B3GALT5: variants seen among roughly 807,000 people sequenced by gnomAD.
The protein encoded by B3GALT5 is beta-1,3-galactosyltransferase 5, also known as UDP-Gal:betaGlcNAc beta 1,3-galactosyltransferase, polypeptide 5.
For missense variants in B3GALT5, 328 were observed against 396.6 expected, an observed-to-expected ratio of 0.83 and a Z score of 1.47; for synonymous variants, 156 against 158.6, an observed-to-expected ratio of 0.98 and a Z score of 0.12.
chr21:39,620,548 T>A (rs1009686798), intron 1 of B3GALT5, among the ~76,000 whole-genome samples: 1 of 152,194 alleles, frequency 6.6e-6, no homozygotes, highest in East Asian at 1.9e-4. Context: ...TCCCACCTCT[T>A]GAAGTTACGC....
chr21:39,625,271 G>C (rs1243684684), intron 1 of B3GALT5, among the ~76,000 whole-genome samples: 2 of 152,198 alleles, frequency 1.3e-5, no homozygotes, highest in Non-Finnish European at 2.9e-5. Context: ...GGTTAGTGAA[G>C]AGTGATGGAG....
At position 39,663,795 on chromosome 21, in the gene B3GALT5, T is replaced by G. The variant is rs984946610; in HGVS notation, c.*2303T>G. The G allele has an allele frequency of 7.2e-5, 11 of 152,292 alleles. No homozygotes were observed. The highest frequency in any genetic ancestry group is 2.7e-4 in the African/African-American group (11 of 41,452). 9.4% of individuals were successfully genotyped at this position (152,292 alleles called of 1,614,324 possible). A position where few individuals can be genotyped will look rare whatever the true frequency, so the allele number is the denominator to read the frequency against. On this transcript the variant is annotated 3_prime_UTR_variant, in exon 4 of 4. Transcript: ENST00000684187. ...CCCAGGACCTTCCCAGCTTGTTTGT[T>G]GCAGAAGGAGGGTTCCAGCTCAGCG...
At chr21:39,655,109 G>A (rs545091781) in intron 2 of B3GALT5, among the ~76,000 whole-genome samples, 2 of 152,348 alleles carry the variant, frequency 1.3e-5, no homozygotes, top group African/African-American at 4.8e-5. Flanking sequence ...GGAGACCCAT[G>A]AGAGTCGATG....
At chr21:39,642,222 G>A (rs898368696) in intron 1 of B3GALT5, among the ~76,000 whole-genome samples, 12 of 152,188 alleles carry the variant, frequency 7.9e-5, no homozygotes, top group African/African-American at 2.4e-4. Context: ...AGCTAGGCAC[G>A]AGAATTATTA....
intron 1 of B3GALT5, among the ~76,000 whole-genome samples, chr21:39,639,298 CTT>C (rs1257818563): frequency 2.4e-3 from 159 of 65,486 alleles, no homozygotes; most frequent in African/African-American, 9.6e-3. Context: ...CTCTTTCTTT[CTT>C]TCTTTCTTTC....
chr21:39,615,031 CA>C (rs1263324957), intron 1 of B3GALT5, among the ~76,000 whole-genome samples: 1 of 152,188 alleles, frequency 6.6e-6, no homozygotes, highest in Non-Finnish European at 1.5e-5. Context: ...GGGTCCCACC[CA>C]AGCTTCGTGG....
intron 1 of B3GALT5, among the ~76,000 whole-genome samples, chr21:39,616,488 G>A (rs1199888548): frequency 6.6e-6 from 1 of 152,038 alleles, no homozygotes; most frequent in Non-Finnish European, 1.5e-5. Flanking sequence ...TCCAGACTGT[G>A]GCTTCTTCAC....
intron 1 of B3GALT5, among the ~76,000 whole-genome samples, chr21:39,618,689 C>T (rs1200314809): frequency 6.6e-6 from 1 of 152,002 alleles, no homozygotes; most frequent in Non-Finnish European, 1.5e-5. Context: ...ATTCTAGATC[C>T]TTAATTTTAG....
intron 1 of B3GALT5, among the ~76,000 whole-genome samples, chr21:39,638,466 T>A (rs570319625): frequency 6.6e-6 from 1 of 152,142 alleles, no homozygotes; most frequent in Non-Finnish European, 1.5e-5. Context: ...CCCAGGCCGT[T>A]GAGCAGCCTG....
rs200517488 is a variant in B3GALT5 at position 39,639,418 on chromosome 21, T to C, written c.-391-6974T>C. On this transcript the variant is annotated intron_variant, in intron 1 of 3. Coordinates refer to ENST00000684187, the MANE Select transcript of B3GALT5 (RefSeq NM_001356336.2). ...TCTTTCTTTTTCTTTCTTTCTTTCT[T>C]TCTTTCTTTCTTTCTTTCTTTCTTT... Among the ~76,000 whole-genome samples, 10 of 111,174 alleles carry C rather than the reference T, an allele frequency of 9.0e-5. 1 individual carries two copies. Among genetic ancestry groups the C allele is most frequent in the East Asian group, 6.8e-4 (3 of 4,412 alleles). The allele number at this position is 111,174 out of a possible 152,430, so 72.9% of individuals were successfully genotyped here.
Position 39,661,544 on chromosome 21 carries a change from T to C in B3GALT5, c.*52T>C, listed in dbSNP as rs74843485. ...AGTTTCAGATAACCCGTGGGGATAG[T>C]TTTTGCTAGATTTTGGAAGAGGGGG... is the stretch of plus-strand genomic sequence containing the variant. On this transcript the variant is annotated 3_prime_UTR_variant, in exon 4 of 4. Coordinates refer to ENST00000684187, the MANE Select transcript of B3GALT5 (RefSeq NM_001356336.2). This position sits in a 1 kb window ranked among gnomAD's most constrained non-coding sequence, Gnocchi z 4.7. The C allele has an allele frequency of 0.041, 59,981 of 1,451,230 alleles. 1,432 individuals carry two copies. The highest frequency in any genetic ancestry group is 0.048 in the Non-Finnish European group (52,113 of 1,097,032). 89.9% of individuals were successfully genotyped at this position (1,451,230 alleles called of 1,614,324 possible).
intron 2 of B3GALT5, among the ~76,000 whole-genome samples, chr21:39,654,927 A>G (rs2079427830): frequency 6.6e-6 from 1 of 152,262 alleles, no homozygotes; most frequent in Non-Finnish European, 1.5e-5. Context: ...CTTTAAATGC[A>G]CTGGGAGATA....
At chr21:39,652,657 A>G (rs1386677873) in intron 2 of B3GALT5, among the ~76,000 whole-genome samples, 1 of 152,232 alleles carries the variant, frequency 6.6e-6, no homozygotes, top group Non-Finnish European at 1.5e-5. Flanking sequence ...AACAGAGTAG[A>G]TATTGATTTG....
At chr21:39,655,845 A>G (rs1462504531) in intron 2 of B3GALT5, among the ~76,000 whole-genome samples, 1 of 152,102 alleles carries the variant, frequency 6.6e-6, no homozygotes, top group African/African-American at 2.4e-5. Context: ...CCCAGTTTCC[A>G]GTGGAGAAGC....
chr21:39,637,635 G>A (rs2079238008), intron 1 of B3GALT5, among the ~76,000 whole-genome samples: 1 of 152,214 alleles, frequency 6.6e-6, no homozygotes, highest in South Asian at 2.1e-4. Context: ...ACTGCTCCCA[G>A]CTGTGGTTGC....
rs189458288 is a variant in B3GALT5, at chr21:39,634,895, G to A, written c.-391-11497G>A. ...CTTCCCATTTTCCCAGAGACAACGC[G>A]TAATGGCAGGCCAGAGGAAGCTCTG... is the stretch of plus-strand genomic sequence containing the variant. On this transcript the variant is annotated intron_variant, in intron 1 of 3. Transcript: ENST00000684187. Among the ~76,000 whole-genome samples, 7 of 152,220 alleles carry A rather than the reference G, an allele frequency of 4.6e-5. No homozygotes were observed. The East Asian group carries it at 9.7e-4, about 21-fold the overall frequency.
chr21:39,645,546 G>A (rs1191315650), intron 1 of B3GALT5, among the ~76,000 whole-genome samples: 4 of 152,196 alleles, frequency 2.6e-5, no homozygotes. Flanking sequence ...TTTGGTGTGT[G>A]TGGAGCCTCT....
At chr21:39,633,801 T>C (rs1393120286) in intron 1 of B3GALT5, among the ~76,000 whole-genome samples, 4 of 152,234 alleles carry the variant, frequency 2.6e-5, no homozygotes, top group Non-Finnish European at 5.9e-5. Context: ...CATATATATT[T>C]GGTTTATTTT....
At chr21:39,651,077 C>T (rs1469035480) in intron 2 of B3GALT5, among the ~76,000 whole-genome samples, 1 of 152,128 alleles carries the variant, frequency 6.6e-6, no homozygotes, top group Non-Finnish European at 1.5e-5. Context: ...GGTCACTCAG[C>T]TCAGGAGTCC....
Sources: gnomAD v4.1 joint callset for allele counts (sites outside exome capture counted in the v4.1 genomes callset) on GRCh38, gnomAD v4.1.1 for gene constraint, Gnocchi (gnomAD v3.1) non-coding constraint, MANE v1.5 for transcripts, NCBI Gene and HGNC (gene_info 2026-07-23, HGNC 2026-07-21) for gene names.